The following THSD7B variants were observed in gnomAD, a reference collection of about 807,000 sequenced individuals.
The protein encoded by THSD7B is thrombospondin type 1 domain containing 7B.
THSD7B carries 138 observed loss-of-function variants against 213.6 expected under a neutral mutation model. The ratio of observed to expected loss-of-function variants is 0.65; its 90% CI spans 0.56 to 0.74. THSD7B has a LOEUF of 0.74. Among genes scored for constraint, THSD7B ranks in the 30% least tolerant of loss-of-function variants. The pLI is 0.00. For missense variants in THSD7B, 1,931 were observed against 1,991.5 expected (o/e 0.97, Z 0.58); for synonymous variants, 742 against 687.0 (o/e 1.08, Z -1.25).
intron 1 of THSD7B, among the ~76,000 whole-genome samples, chr2:136,826,410 C>G (rs1682647046): frequency 6.6e-6 from 1 of 152,058 alleles, no homozygotes; most frequent in Non-Finnish European, 1.5e-5. Flanking sequence ...CTGCTCCGTG[C>G]TGAGCCTCTG....
intron 7 of THSD7B, among the ~76,000 whole-genome samples, chr2:137,192,969 C>T (rs547576953): frequency 1.3e-3 from 205 of 151,894 alleles, no homozygotes; most frequent in African/African-American, 4.6e-3. Context: ...CTTGTGTGTG[C>T]GTATGTGTAT....
intron 17 of THSD7B, among the ~76,000 whole-genome samples, chr2:137,573,616 A>C (rs1468831088): frequency 6.6e-6 from 1 of 152,108 alleles, no homozygotes; most frequent in Non-Finnish European, 1.5e-5. Context: ...TTTGTGTGTA[A>C]CCTGAATATA....
intron 12 of THSD7B, among the ~76,000 whole-genome samples, chr2:137,305,471 A>C (rs59441626): frequency 0.033 from 5,045 of 152,222 alleles, 130 homozygotes; most frequent in Middle Eastern, 0.11. Flanking sequence ...ACTCATGTCC[A>C]TTCATGCTAT....
At chr2:137,210,044 T>TAG (rs142229514) in intron 7 of THSD7B, among the ~76,000 whole-genome samples, 1 of 152,174 alleles carries the variant, frequency 6.6e-6, no homozygotes, top group South Asian at 2.1e-4. Context: ...CTGCAAGCCA[T>TAG]AGAGAGAGAC....
chr2:137,258,983 G>T (rs545782353), intron 10 of THSD7B, among the ~76,000 whole-genome samples: 3 of 152,138 alleles, frequency 2.0e-5, no homozygotes, highest in South Asian at 2.1e-4. Context: ...ATGACTTCTG[G>T]CTTCATCCAT....
At chr2:137,343,497 A>G (rs1684807490) in intron 12 of THSD7B, among the ~76,000 whole-genome samples, 1 of 151,748 alleles carries the variant, frequency 6.6e-6, no homozygotes, top group East Asian at 1.9e-4. Flanking sequence ...TTGTTTCAGT[A>G]ATTAAAGTAT....
intron 7 of THSD7B, among the ~76,000 whole-genome samples, chr2:137,205,112 C>A (rs1396983595): frequency 6.6e-6 from 1 of 152,002 alleles, no homozygotes; most frequent in Admixed American, 6.6e-5. Context: ...TAGCCAAAAT[C>A]TTGATGGAAG....
At chr2:137,644,977 T>C (rs1197494820) in intron 21 of THSD7B, among the ~76,000 whole-genome samples, 1 of 152,176 alleles carries the variant, frequency 6.6e-6, no homozygotes, top group African/African-American at 2.4e-5. Context: ...TCTCAGCTGC[T>C]AACACATATA....
At position 136,961,884 on chromosome 2, in the gene THSD7B, T is replaced by G. The variant is rs925079596; in HGVS notation, c.139+79567T>G. On this transcript the variant is annotated intron_variant, in intron 2 of 27. Coordinates refer to ENST00000409968, the MANE Select transcript of THSD7B (RefSeq NM_001316349.2). ...TTTCTTAGATTTTGTAACATTTCAT[T>G]GGTGGTAGGAAGACTAATGCCCTCT... 7.2e-5 allele frequency among the ~76,000 whole-genome samples: 11 copies of G among 152,314 alleles called. No individual in the cohort carries two copies. The South Asian group carries it at 8.3e-4, about 11-fold the overall frequency.
At chr2:137,527,548 CT>C (rs1680301908) in intron 15 of THSD7B, among the ~76,000 whole-genome samples, 1 of 151,934 alleles carries the variant, frequency 6.6e-6, no homozygotes, top group African/African-American at 2.4e-5. Context: ...TTTGAAACTC[CT>C]TTTTTTGTAC....
At chr2:137,576,362 T>C (rs1243609273) in intron 17 of THSD7B, among the ~76,000 whole-genome samples, 1 of 152,114 alleles carries the variant, frequency 6.6e-6, no homozygotes, top group East Asian at 1.9e-4. Flanking sequence ...GATTCACCTC[T>C]AGCTGAATGT....
At chr2:136,829,781 G>A (rs893095784) in intron 1 of THSD7B, among the ~76,000 whole-genome samples, 4 of 151,986 alleles carry the variant, frequency 2.6e-5, no homozygotes, top group Admixed American at 1.3e-4. Flanking sequence ...TTATATATTT[G>A]GCTAAAACCA....
chr2:137,523,187 GC>G (rs1160201441), intron 15 of THSD7B, among the ~76,000 whole-genome samples: 1 of 152,064 alleles, frequency 6.6e-6, no homozygotes, highest in Non-Finnish European at 1.5e-5. Flanking sequence ...TTTGTTAATA[GC>G]TTCTTCTGTC....
intron 12 of THSD7B, among the ~76,000 whole-genome samples, chr2:137,313,414 A>T (rs1683975379): frequency 1.4e-5 from 2 of 145,952 alleles, no homozygotes; most frequent in South Asian, 4.3e-4. Flanking sequence ...TGCACATGAG[A>T]TGGGTTTCCT....
At chr2:136,914,122 G>A (rs1236194161) in intron 2 of THSD7B, among the ~76,000 whole-genome samples, 1 of 152,216 alleles carries the variant, frequency 6.6e-6, no homozygotes, top group Non-Finnish European at 1.5e-5. Flanking sequence ...TAACCTGGAT[G>A]TGAGACCTGG....
intron 17 of THSD7B, among the ~76,000 whole-genome samples, chr2:137,589,315 TTC>T (rs1366596962): frequency 6.6e-6 from 1 of 152,164 alleles, no homozygotes; most frequent in Non-Finnish European, 1.5e-5. Flanking sequence ...GTAATGTATT[TTC>T]TCTTTTATAA....
chr2:136,956,593 C>A (rs1328090862), intron 2 of THSD7B, among the ~76,000 whole-genome samples: 1 of 141,038 alleles, frequency 7.1e-6, no homozygotes, highest in Non-Finnish European at 1.5e-5. Flanking sequence ...CAAAGTGAGA[C>A]CCTGTCTCAA....
intron 5 of THSD7B, among the ~76,000 whole-genome samples, chr2:137,144,749 G>T (rs1679661020): frequency 6.6e-6 from 1 of 151,974 alleles, no homozygotes; most frequent in African/African-American, 2.4e-5. Flanking sequence ...CCATTTCATG[G>T]AGAAGAACAT....
chr2:137,292,164 CAAA>C (rs1328772702), intron 12 of THSD7B, among the ~76,000 whole-genome samples: 1 of 152,136 alleles, frequency 6.6e-6, no homozygotes, highest in Non-Finnish European at 1.5e-5. Flanking sequence ...CAGGACTACT[CAAA>C]ATGCTTCCCA....
Sources: allele counts gnomAD v4.1 joint callset (sites outside exome capture counted in the v4.1 genomes callset), GRCh38; gene constraint gnomAD v4.1.1; transcripts MANE v1.5; gene names NCBI Gene and HGNC (gene_info 2026-07-23, HGNC 2026-07-21).